The following STK39 variants were observed in gnomAD, a reference collection of about 807,000 sequenced individuals.
STK39 encodes the protein serine/threonine kinase 39.
Under a neutral mutation model 77.8 loss-of-function variants are expected in STK39, and 20 were observed. The observed-to-expected ratio is 0.26, with a 90% CI of 0.18 to 0.37. STK39 has a LOEUF of 0.37. STK39 is among the 10% of genes least tolerant of loss of function. STK39 has a pLI of 1.00. For synonymous variants in STK39, 246 were observed against 234.1 expected, an observed-to-expected ratio of 1.05 and a Z score of -0.47; for missense variants, 479 against 656.5, an observed-to-expected ratio of 0.73 and a Z score of 2.95.
At chr2:167,961,559 A>G (rs991005170) in intron 17 of STK39, among the ~76,000 whole-genome samples, 1 of 152,202 alleles carries the variant, frequency 6.6e-6, no homozygotes, top group African/African-American at 2.4e-5. Context: ...ACCTGTCTCA[A>G]GGTTTACAAC....
intron 10 of STK39, among the ~76,000 whole-genome samples, chr2:168,110,460 A>AC (rs1687092701): frequency 6.6e-6 from 1 of 152,048 alleles, no homozygotes; most frequent in Admixed American, 6.5e-5. Context: ...GTAGTTTCAA[A>AC]CTCCTGGCCT....
chr2:168,180,758 C>A (rs1015669481), intron 2 of STK39, among the ~76,000 whole-genome samples: 10 of 152,156 alleles, frequency 6.6e-5, no homozygotes, highest in Admixed American at 2.6e-4. Flanking sequence ...CAAAGCACAG[C>A]TGAAATTTCA....
chr2:168,029,650 G>T (rs1684784532), intron 14 of STK39, among the ~76,000 whole-genome samples: 1 of 152,122 alleles, frequency 6.6e-6, no homozygotes, highest in South Asian at 2.1e-4. Flanking sequence ...ACTTCTTCCT[G>T]AGGCCCCAAA....
At chr2:168,227,067 G>A (rs552326693) in intron 1 of STK39, among the ~76,000 whole-genome samples, 135 of 152,172 alleles carry the variant, frequency 8.9e-4, no homozygotes, top group Admixed American at 2.4e-3. Context: ...AAAATATACA[G>A]AAGTAAAATA....
intron 1 of STK39, chr2:168,231,908 G>C (rs1042367312): frequency 4.2e-6 from 1 of 235,496 alleles, no homozygotes; most frequent in Non-Finnish European, 9.5e-6. Flanking sequence ...GGGAGGAAGG[G>C]GCCACCCACC....
At chr2:168,031,926 C>T (rs1029186677) in intron 14 of STK39, among the ~76,000 whole-genome samples, 1 of 152,186 alleles carries the variant, frequency 6.6e-6, no homozygotes, top group Non-Finnish European at 1.5e-5. Context: ...TGTTCTCGGC[C>T]TCTGGAACAC....
intron 14 of STK39, among the ~76,000 whole-genome samples, chr2:168,038,139 T>A (rs4668007): frequency 6.6e-6 from 1 of 151,994 alleles, no homozygotes; most frequent in Non-Finnish European, 1.5e-5. Context: ...GCCGAGTCTA[T>A]GGTATAATTA....
chr2:168,188,387 G>A lies in STK39; in HGVS notation c.209-6297C>T, dbSNP rs191308707. ...ACAGTCAGAATTTTGCAGAAAGGCT[G>A]AAAATCCAGAATTCTGTGTGACATC... On this transcript the variant is annotated intron_variant, in intron 1 of 17. Coordinates refer to ENST00000355999, the MANE Select transcript of STK39 (RefSeq NM_013233.3). Among the ~76,000 whole-genome samples, 82 of 152,336 alleles carry A rather than the reference G, an allele frequency of 5.4e-4. 1 individual carries two copies. Among genetic ancestry groups the A allele is most frequent in the African/African-American group, 1.7e-3 (72 of 41,586 alleles).
chr2:168,176,406 C>T (rs1355785375), intron 2 of STK39, among the ~76,000 whole-genome samples: 5 of 152,102 alleles, frequency 3.3e-5, no homozygotes, highest in Non-Finnish European at 7.4e-5. Context: ...GAGCAACCTG[C>T]ATCAGATAAT....
chr2:168,002,190 G>A (rs533131107), intron 16 of STK39, among the ~76,000 whole-genome samples: 12 of 152,346 alleles, frequency 7.9e-5, no homozygotes, highest in African/African-American at 2.6e-4. Context: ...TGGTTTTAAA[G>A]AGGATATACA....
chr2:168,009,346 AT>A (rs1684211099), intron 16 of STK39, among the ~76,000 whole-genome samples: 1 of 152,218 alleles, frequency 6.6e-6, no homozygotes, highest in African/African-American at 2.4e-5. Flanking sequence ...TTGTCAAATA[AT>A]CAGCAATTAA....
At chr2:168,151,386 G>T (rs1688278092) in intron 5 of STK39, among the ~76,000 whole-genome samples, 1 of 152,106 alleles carries the variant, frequency 6.6e-6, no homozygotes, top group African/African-American at 2.4e-5. Flanking sequence ...CTTCAAATAG[G>T]CTACATCCTT....
chr2:167,991,364 AG>A (rs1209024922), intron 16 of STK39, among the ~76,000 whole-genome samples: 1 of 152,210 alleles, frequency 6.6e-6, no homozygotes, highest in Non-Finnish European at 1.5e-5. Flanking sequence ...AAGGGAATGG[AG>A]GGTGACCTAA....
intron 10 of STK39, among the ~76,000 whole-genome samples, chr2:168,096,888 G>C (rs559912023): frequency 6.7e-6 from 1 of 148,428 alleles, no homozygotes; most frequent in East Asian, 2.0e-4. Flanking sequence ...AAATAGATAG[G>C]CTAAATCAAT....
chr2:168,172,293 C>T (rs1026788800), intron 2 of STK39, among the ~76,000 whole-genome samples: 1 of 152,180 alleles, frequency 6.6e-6, no homozygotes, highest in Non-Finnish European at 1.5e-5. Context: ...TGGCAGCAGC[C>T]GTCACTTTTT....
chr2:168,115,868 C>T (rs1220915272), intron 10 of STK39, among the ~76,000 whole-genome samples: 1 of 152,142 alleles, frequency 6.6e-6, no homozygotes. Context: ...GAATGCAAGA[C>T]AAGGCTGAAG....
At chr2:168,037,874 T>C (rs766987205) in intron 14 of STK39, among the ~76,000 whole-genome samples, 35 of 152,196 alleles carry the variant, frequency 2.3e-4, no homozygotes, top group Non-Finnish European at 3.1e-4. Context: ...ATTACCTTCA[T>C]AATGAGGGGG....
At chr2:167,982,136 C>T (rs1031235860) in intron 16 of STK39, among the ~76,000 whole-genome samples, 5 of 152,314 alleles carry the variant, frequency 3.3e-5, no homozygotes, top group East Asian at 1.9e-4. Context: ...ACAGAGAAGT[C>T]GGCTTGAACA....
chr2:168,161,607 T>C (rs1312675674), intron 5 of STK39, among the ~76,000 whole-genome samples, 180 bp downstream of exon 5: 1 of 152,176 alleles, frequency 6.6e-6, no homozygotes, highest in Non-Finnish European at 1.5e-5. Context: ...CACAGGATGA[T>C]CTAATGACTT....
Sources: gnomAD v4.1 joint callset for allele counts (sites outside exome capture counted in the v4.1 genomes callset) on GRCh38, gnomAD v4.1.1 for gene constraint, MANE v1.5 for transcripts, NCBI Gene and HGNC (gene_info 2026-07-23, HGNC 2026-07-21) for gene names.